MEP1A: variants seen among roughly 807,000 people sequenced by gnomAD.
The protein encoded by MEP1A is N-benzoyl-L-tyrosyl-P-amino-benzoic acid hydrolase subunit alpha.
Under a neutral mutation model 84.5 loss-of-function variants are expected in MEP1A, and 68 were observed. That is an observed-to-expected ratio of 0.80 (90% CI 0.66 to 0.98). MEP1A has a LOEUF of 0.98. Ranked by LOEUF, MEP1A falls within the 50% of genes least tolerant of loss-of-function variation. MEP1A has a pLI of 0.00. For missense variants in MEP1A, 887 were observed against 919.9 expected, an observed-to-expected ratio of 0.96 and a Z score of 0.46; for synonymous variants, 337 against 336.8, an observed-to-expected ratio of 1.00 and a Z score of -0.01.
At chr6:46,827,264 C>T (rs73736663) in intron 9 of MEP1A, among the ~76,000 whole-genome samples, 6,929 of 152,264 alleles carry the variant, frequency 0.046, 166 homozygotes, top group African/African-American at 0.072. Context: ...AAAGTCTTGG[C>T]TTTTGCAAGC....
At chr6:46,817,176 A>G (rs990750370) in intron 6 of MEP1A, among the ~76,000 whole-genome samples, 4 of 152,160 alleles carry the variant, frequency 2.6e-5, no homozygotes, top group Non-Finnish European at 4.4e-5. Flanking sequence ...AACCTTATCA[A>G]ATTGGTTAGT....
rs77247053 is a variant in MEP1A at position 46,815,827 on chromosome 6, A to C, written c.381-3702A>C. On this transcript the variant is annotated intron_variant, in intron 6 of 13. Transcript: ENST00000230588. ...CATGATTTAGCCTCTTAGGAAAAAAAATGCAAAAAATAGCAGTTAAATAAA... is the reference window on the plus strand; with the variant it reads ...CATGATTTAGCCTCTTAGGAAAAAACATGCAAAAAATAGCAGTTAAATAAA... Among the ~76,000 whole-genome samples the C allele has an allele frequency of 2.1e-3, 327 of 152,348 alleles. 1 individual carries two copies. Among genetic ancestry groups the C allele is most frequent in the African/African-American group, 7.2e-3 (299 of 41,574 alleles).
intron 5 of MEP1A, 93 bp downstream of exon 5, chr6:46,799,274 C>T (rs1316313543): frequency 3.4e-5 from 28 of 826,474 alleles, no homozygotes; most frequent in Middle Eastern, 2.5e-4. Flanking sequence ...GTAACCACCA[C>T]GATCTAAGAG....
intron 10 of MEP1A, among the ~76,000 whole-genome samples, chr6:46,831,405 T>G (rs1448441808): frequency 6.6e-6 from 1 of 152,288 alleles, no homozygotes; most frequent in Non-Finnish European, 1.5e-5. Context: ...TACACACACA[T>G]GCACACACAC....
chr6:46,823,254 T>C (rs1767823725), intron 7 of MEP1A, among the ~76,000 whole-genome samples: 1 of 152,214 alleles, frequency 6.6e-6, no homozygotes, highest in Admixed American at 6.5e-5. Context: ...CACACCACAC[T>C]TCTGCAGTCC....
chr6:46,838,844 C>T (rs534058196), intron 13 of MEP1A, 136 bp from the exon 14 acceptor site: 18 of 707,046 alleles, frequency 2.5e-5, no homozygotes, highest in Admixed American at 7.5e-5. Flanking sequence ...ATATACAGCT[C>T]TTGAAATGGG....
In MEP1A at chr6:46,813,058, G is replaced by A. The variant is rs1767543468; in HGVS notation, c.380+3521G>A. On this transcript the variant is annotated intron_variant, in intron 6 of 13. Transcript: ENST00000230588. ...CTTGATGACCTGTCTAGTGCCGTCA[G>A]TGAGTATTAAAGTCCCCCACTGTTA... is the stretch of plus-strand genomic sequence containing the variant. Among the ~76,000 whole-genome samples the A allele has an allele frequency of 2.0e-5, 3 of 152,082 alleles. No individual in the cohort carries two copies. In the South Asian group the frequency reaches 6.2e-4, roughly 31 times the overall value.
At chr6:46,797,811 T>A (rs1767084233) in intron 3 of MEP1A, among the ~76,000 whole-genome samples, 1 of 74,324 alleles carries the variant, frequency 1.3e-5, no homozygotes, top group Non-Finnish European at 2.8e-5. Flanking sequence ...TCTTTCTTTC[T>A]TTCTTTCTTT....
chr6:46,830,247 TAAAAAAAAAAAAA>T (rs56033423), intron 10 of MEP1A, among the ~76,000 whole-genome samples: 184 of 50,104 alleles, frequency 3.7e-3, no homozygotes, highest in Non-Finnish European at 5.1e-3. Flanking sequence ...AGACTCCATC[TAAAAAAAAAAAAA>T]AAAAAAAAAA....
At chr6:46,825,114 TA>T (rs1767905810) in intron 7 of MEP1A, among the ~76,000 whole-genome samples, 157 bp from the exon 8 acceptor site, 1 of 141,828 alleles carries the variant, frequency 7.1e-6, no homozygotes, top group Non-Finnish European at 1.5e-5. Context: ...TAAATCTATT[TA>T]AATATTTATA....
intron 7 of MEP1A, among the ~76,000 whole-genome samples, chr6:46,822,232 A>G (rs1406976063): frequency 1.3e-5 from 2 of 152,216 alleles, no homozygotes; most frequent in Non-Finnish European, 2.9e-5. Flanking sequence ...TTTTCGTGCT[A>G]CAATGGCAGA....
intron 4 of MEP1A, among the ~76,000 whole-genome samples, 156 bp from the exon 5 acceptor site, chr6:46,798,950 A>G (rs1767129607): frequency 6.6e-6 from 1 of 152,210 alleles, no homozygotes; most frequent in African/African-American, 2.4e-5. Context: ...TTATCTCTCA[A>G]GGACTTCTAT....
chr6:46,827,263 G>A (rs376656287), intron 9 of MEP1A, among the ~76,000 whole-genome samples: 1 of 152,140 alleles, frequency 6.6e-6, no homozygotes, highest in Non-Finnish European at 1.5e-5. Context: ...AAAAGTCTTG[G>A]CTTTTGCAAG....
chr6:46,814,716 A>G (rs933689461), intron 6 of MEP1A, among the ~76,000 whole-genome samples: 2 of 152,194 alleles, frequency 1.3e-5, no homozygotes, highest in Non-Finnish European at 2.9e-5. Context: ...GCTGTTTTTC[A>G]GATTTTTTTG....
chr6:46,801,191 C>T (rs1053299537), intron 5 of MEP1A, among the ~76,000 whole-genome samples: 14 of 152,022 alleles, frequency 9.2e-5, no homozygotes, highest in African/African-American at 2.7e-4. Context: ...TGTAAGAAAA[C>T]GCCAAACAGT....
At chr6:46,795,617 A>G (rs888705669) in intron 3 of MEP1A, among the ~76,000 whole-genome samples, 3 of 152,120 alleles carry the variant, frequency 2.0e-5, no homozygotes, top group Non-Finnish European at 4.4e-5. Context: ...CTTTCAAATC[A>G]TACTACAGTT....
At chr6:46,819,762 T>G in intron 7 of MEP1A, 58 bp downstream of exon 7, 2 of 1,553,622 alleles carry the variant, frequency 1.3e-6, no homozygotes, top group Non-Finnish European at 1.8e-6. Flanking sequence ...AATCCTGAGA[T>G]GACCAAGCCA....
At chr6:46,818,714 A>G (rs1448328657) in intron 6 of MEP1A, among the ~76,000 whole-genome samples, 3 of 152,212 alleles carry the variant, frequency 2.0e-5, no homozygotes, top group Non-Finnish European at 4.4e-5. Flanking sequence ...GTGCTGTCAT[A>G]ACACTGTAGA....
chr6:46,804,399 G>C (rs1344219260), intron 5 of MEP1A, among the ~76,000 whole-genome samples: 1 of 151,662 alleles, frequency 6.6e-6, no homozygotes, highest in African/African-American at 2.4e-5. Flanking sequence ...TAATCAAAAA[G>C]TTAAAAGCAT....
Sources: gnomAD v4.1 joint callset for allele counts (sites outside exome capture counted in the v4.1 genomes callset) on GRCh38, gnomAD v4.1.1 for gene constraint, MANE v1.5 for transcripts, NCBI Gene and HGNC (gene_info 2026-07-23, HGNC 2026-07-21) for gene names.